Variants in PDS5A observed in about 807,000 individuals in gnomAD.
The protein encoded by PDS5A is sister chromatid cohesion protein PDS5 homolog A.
A neutral mutation model predicts 167.1 loss-of-function variants in PDS5A; 42 were observed. That is an observed-to-expected ratio of 0.25 (90% CI 0.20 to 0.33). The LOEUF (loss-of-function observed/expected upper bound fraction) is 0.33. Ranked by LOEUF, PDS5A falls within the 10% of genes least tolerant of loss-of-function variation. The probability of loss-of-function intolerance (pLI) is 1.00; values close to 1 mark genes in which losing one functional copy is unlikely to be tolerated. For missense variants in PDS5A, 1,033 were observed against 1,605.9 expected (o/e 0.64, Z 6.10); for synonymous variants, 553 against 554.6 (o/e 1.00, Z 0.04).
intron 32 of PDS5A, among the ~76,000 whole-genome samples, chr4:39,831,832 C>T (rs1441101498): frequency 1.6e-5 from 2 of 123,476 alleles, no homozygotes; most frequent in Non-Finnish European, 3.2e-5. Context: ...GCCGAGATCA[C>T]ACCATTGCAC....
chr4:39,842,097 A>G, intron 30 of PDS5A, 41 bp from the exon 31 acceptor site: 1 of 1,294,418 alleles, frequency 7.7e-7, no homozygotes, highest in Middle Eastern at 1.9e-4. Flanking sequence ...ATTTCCATGA[A>G]GAGAAAGTTC....
At chr4:39,848,040 T>G (rs553030558) in intron 28 of PDS5A, 1 of 152,148 alleles carries the variant, frequency 6.6e-6, no homozygotes, top group Non-Finnish European at 1.5e-5. Flanking sequence ...GTGCTCCTTA[T>G]GAGAATCTAA....
intron 2 of PDS5A, among the ~76,000 whole-genome samples, chr4:39,966,189 A>C: frequency 6.6e-6 from 1 of 152,204 alleles, no homozygotes; most frequent in East Asian, 1.9e-4. Context: ...AAACATATGA[A>C]CAGAACTCAG....
intron 17 of PDS5A, among the ~76,000 whole-genome samples, chr4:39,886,690 G>C (rs1463325584): frequency 6.6e-6 from 1 of 151,452 alleles, no homozygotes; most frequent in Non-Finnish European, 1.5e-5. Flanking sequence ...TCCAGCCTGG[G>C]CAACAAGAGT....
At chr4:39,926,109 T>C (rs1348171046) in intron 4 of PDS5A, among the ~76,000 whole-genome samples, 176 bp from the exon 5 acceptor site, 1 of 152,118 alleles carries the variant, frequency 6.6e-6, no homozygotes, top group African/African-American at 2.4e-5. Flanking sequence ...GATATATACC[T>C]GATGGCATCA....
chr4:39,866,591 T>G lies in PDS5A; in HGVS notation c.2642+270A>C, dbSNP rs576696813. On this transcript the variant is annotated intron_variant, in intron 23 of 32. Coordinates refer to ENST00000303538, the MANE Select transcript of PDS5A (RefSeq NM_001100399.2). ...CAAATACTTGTTTAATTGAACCAAATGTTGATGCTAACTGTAATAGTACAA... is the reference window on the plus strand; with the variant it reads ...CAAATACTTGTTTAATTGAACCAAAGGTTGATGCTAACTGTAATAGTACAA... 7.9e-5 allele frequency among the ~76,000 whole-genome samples: 12 copies of G among 152,352 alleles called. No homozygotes were observed. In the South Asian group the frequency reaches 2.5e-3, roughly 32 times the overall value.
At chr4:39,890,487 C>T in intron 16 of PDS5A, 123 bp from the exon 17 acceptor site, 1 of 573,250 alleles carries the variant, frequency 1.7e-6, no homozygotes, top group Non-Finnish European at 3.0e-6. Context: ...CTGCTCTAGA[C>T]CCTGACTAAA....
At chr4:39,973,514 AAG>A (rs1730771792) in intron 2 of PDS5A, 5 of 1,276,326 alleles carry the variant, frequency 3.9e-6, no homozygotes, top group African/African-American at 1.5e-5. Flanking sequence ...CGTCTCCAGA[AAG>A]AGTTTTCTCC....
At chr4:39,874,243 T>C (rs1560445096) in intron 20 of PDS5A, 46 bp downstream of exon 20, 2 of 1,537,274 alleles carry the variant, frequency 1.3e-6, no homozygotes, top group South Asian at 2.3e-5. Context: ...CTATAGAGCT[T>C]AAAAAATAAA....
intron 10 of PDS5A, among the ~76,000 whole-genome samples, chr4:39,909,762 C>G (rs148574403): frequency 1.3e-5 from 2 of 152,154 alleles, no homozygotes; most frequent in Non-Finnish European, 2.9e-5. Flanking sequence ...GATTTAAATG[C>G]TCTAGATTCA....
At chr4:39,890,819 G>A (rs1721894368) in intron 16 of PDS5A, among the ~76,000 whole-genome samples, 1 of 151,986 alleles carries the variant, frequency 6.6e-6, no homozygotes, top group African/African-American at 2.4e-5. Flanking sequence ...GCTTCACCAT[G>A]TTGGCCAGGC....
intron 15 of PDS5A, 60 bp downstream of exon 15, chr4:39,898,717 T>A: frequency 9.2e-7 from 1 of 1,084,980 alleles, no homozygotes; most frequent in Non-Finnish European, 1.4e-6. Flanking sequence ...TCCCACTGGG[T>A]AAATACTTTG....
chr4:39,840,705 A>G (rs544514189), intron 31 of PDS5A, among the ~76,000 whole-genome samples: 25 of 152,140 alleles, frequency 1.6e-4, no homozygotes, highest in Non-Finnish European at 2.8e-4. Flanking sequence ...CGCCTCCCGC[A>G]TAGCTGGGAC....
At chr4:39,952,818 T>A (rs532082903) in intron 2 of PDS5A, among the ~76,000 whole-genome samples, 2 of 148,320 alleles carry the variant, frequency 1.3e-5, no homozygotes, top group East Asian at 4.0e-4. Flanking sequence ...AACCTCTGCC[T>A]CCCGGGTTCA....
chr4:39,904,617 C>G (rs1243100994), intron 11 of PDS5A, among the ~76,000 whole-genome samples: 2 of 152,252 alleles, frequency 1.3e-5, no homozygotes, highest in African/African-American at 4.8e-5. Context: ...CAGGCGTGAG[C>G]CACCGCGCCC....
chr4:39,899,686 A>C (rs1239838833), intron 14 of PDS5A, among the ~76,000 whole-genome samples: 6 of 151,844 alleles, frequency 4.0e-5, no homozygotes, highest in Non-Finnish European at 8.8e-5. Context: ...ACCTCTACAA[A>C]AAACATACAA....
intron 2 of PDS5A, among the ~76,000 whole-genome samples, chr4:39,949,301 C>CAAAAA (rs71645201): frequency 1.2e-3 from 111 of 93,702 alleles, no homozygotes; most frequent in African/African-American, 1.9e-3. Flanking sequence ...GAACCTATCT[C>CAAAAA]AAAAAAAAAA....
At chr4:39,834,439 C>G (rs954340423) in intron 32 of PDS5A, among the ~76,000 whole-genome samples, 1 of 152,204 alleles carries the variant, frequency 6.6e-6, no homozygotes, top group Non-Finnish European at 1.5e-5. Context: ...TGACAATGTT[C>G]TCGCTCATTC....
chr4:39,842,935 A>ATATATATATATATATATT (rs1717190137), intron 30 of PDS5A, among the ~76,000 whole-genome samples: 1 of 139,716 alleles, frequency 7.2e-6, no homozygotes, highest in African/African-American at 2.7e-5. Flanking sequence ...ATATATATAT[A>ATATATATATATATATATT]TATTTTAAGA....
Sources: gnomAD v4.1 joint callset for allele counts (sites outside exome capture counted in the v4.1 genomes callset) on GRCh38, gnomAD v4.1.1 for gene constraint, MANE v1.5 for transcripts, NCBI Gene and HGNC (gene_info 2026-07-23, HGNC 2026-07-21) for gene names.